Variants in MGAT3 observed in about 807,000 individuals in gnomAD.
The protein encoded by MGAT3 is beta-1,4-mannosyl-glycoprotein 4-beta-N-acetylglucosaminyltransferase, also known as GlcNAc-T III.
A neutral mutation model predicts 29.8 loss-of-function variants in MGAT3; 9 were observed. The observed-to-expected ratio is 0.30, with a 90% CI of 0.18 to 0.53. The LOEUF (loss-of-function observed/expected upper bound fraction) is 0.53, where lower values mean the gene tolerates loss of function less well. Ranked by LOEUF, MGAT3 falls within the 20% of genes least tolerant of loss-of-function variation. MGAT3 has a pLI of 0.96. For synonymous variants in MGAT3, 397 were observed against 348.9 expected, an observed-to-expected ratio of 1.14 and a Z score of -1.54; for missense variants, 557 against 769.5, an observed-to-expected ratio of 0.72 and a Z score of 3.27.
intron 1 of MGAT3, among the ~76,000 whole-genome samples, chr22:39,463,636 C>G (rs1928556829): frequency 6.6e-6 from 1 of 152,212 alleles, no homozygotes; most frequent in South Asian, 2.1e-4. Flanking sequence ...TTAAAAAATA[C>G]TGACTTGGAC....
At chr22:39,460,388 C>G (rs1461398975) in intron 1 of MGAT3, among the ~76,000 whole-genome samples, 1 of 152,196 alleles carries the variant, frequency 6.6e-6, no homozygotes, top group Non-Finnish European at 1.5e-5. Flanking sequence ...GAAAGAGTCA[C>G]TAAAAGTAGG....
In MGAT3 at chr22:39,457,811, G is replaced by A. The variant is rs2145705059; in HGVS notation, c.-2+254G>A. 6.6e-6 allele frequency among the ~76,000 whole-genome samples: 1 copy of A among 151,334 alleles called. No individual in the cohort carries two copies. ...CTCCGAGCTCCCCGGTCCCCGGAGG[G>A]CAGAGCCTCAGCGCCCGACCCCCTC... On this transcript the variant is annotated intron_variant, in intron 1 of 1. Transcript: ENST00000341184. The surrounding 1 kb of genome is among the most constrained non-coding windows in gnomAD (Gnocchi z 6.8).
At chr22:39,468,255 C>T (rs1428116502) in intron 1 of MGAT3, among the ~76,000 whole-genome samples, 1 of 152,196 alleles carries the variant, frequency 6.6e-6, no homozygotes, top group Non-Finnish European at 1.5e-5. Context: ...TGCCCAGGAG[C>T]TGCAGGCTGC....
Position 39,487,547 on chromosome 22 carries a change from C to T in MGAT3, c.200C>T (p.Pro67Leu). 3 of 1,613,006 alleles carry T rather than the reference C, an allele frequency of 1.9e-6. No homozygotes were observed. The highest frequency in any genetic ancestry group is 1.7e-5 in the Admixed American group (1 of 60,028). ...TPQASPEPGG[P>L]DLLRTPLYSH... ...CAGGCCAGCCCCGAGCCAGGAGGCC[C>T]TGACCTGCTGCGTACCCCACTCTAC... Residue 67 changes from proline (P) to leucine (L), a missense_variant, in exon 2 of 2, where the codon CCT (proline) becomes CTT (leucine). Coordinates refer to ENST00000341184, the MANE Select transcript of MGAT3 (RefSeq NM_002409.5). The surrounding 1 kb of genome is among the most constrained non-coding windows in gnomAD (Gnocchi z 5.7).
intron 1 of MGAT3, among the ~76,000 whole-genome samples, chr22:39,458,681 A>C (rs895648922): frequency 6.6e-6 from 1 of 152,204 alleles, no homozygotes; most frequent in Admixed American, 6.5e-5. Context: ...GGTTACTGGA[A>C]GAGATGACGA....
At chr22:39,467,303 G>T (rs1928675914) in intron 1 of MGAT3, among the ~76,000 whole-genome samples, 1 of 152,208 alleles carries the variant, frequency 6.6e-6, no homozygotes, top group Non-Finnish European at 1.5e-5. Context: ...AAGGGCAGGG[G>T]GTTGGGGCAG....
intron 1 of MGAT3, among the ~76,000 whole-genome samples, chr22:39,478,465 A>G (rs1347693553): frequency 1.3e-5 from 2 of 152,232 alleles, no homozygotes; most frequent in Non-Finnish European, 2.9e-5. Context: ...AGAAGGGGCC[A>G]GAGGGTGGTG....
intron 1 of MGAT3, chr22:39,477,597 C>T (rs1929003251): frequency 6.6e-6 from 1 of 151,876 alleles, no homozygotes; most frequent in Non-Finnish European, 1.5e-5. Flanking sequence ...TGCCAATGGC[C>T]AGGCTCCATG....
chr22:39,462,275 C>G (rs1475798483), intron 1 of MGAT3, among the ~76,000 whole-genome samples: 1 of 152,256 alleles, frequency 6.6e-6, no homozygotes, highest in African/African-American at 2.4e-5. Context: ...GGTGTTCTTG[C>G]TGTCAGCTCC....
rs1389947634 is a variant in MGAT3 at position 39,491,462 on chromosome 22, G to C, written c.*2513G>C. 1 of 167,234 alleles carries C rather than the reference G, an allele frequency of 6.0e-6. No individual in the cohort carries two copies. The highest frequency in any genetic ancestry group is 1.5e-5 in the Non-Finnish European group (1 of 68,300). The allele number at this position is 167,234 out of a possible 1,614,324, so 10.4% of individuals were successfully genotyped here. A position where few individuals can be genotyped will look rare whatever the true frequency, so the allele number is the denominator to read the frequency against. Reference sequence around the variant, plus strand: ...TGGCCTGGGGCCTCCCTCCTTGGCAGCTTTCCCACCCCCACGCCCCTGGCA... The same window carrying C: ...TGGCCTGGGGCCTCCCTCCTTGGCACCTTTCCCACCCCCACGCCCCTGGCA... On this transcript the variant is annotated 3_prime_UTR_variant, in exon 2 of 2. Coordinates refer to ENST00000341184, the MANE Select transcript of MGAT3 (RefSeq NM_002409.5). This position sits in a 1 kb window ranked among gnomAD's most constrained non-coding sequence, Gnocchi z 5.5.
intron 1 of MGAT3, among the ~76,000 whole-genome samples, chr22:39,458,569 C>T (rs1258136786): frequency 1.3e-5 from 2 of 152,132 alleles, no homozygotes; most frequent in African/African-American, 4.8e-5. Flanking sequence ...CCCCCAGGAG[C>T]TGCAGCTCTG....
chr22:39,461,290 G>A (rs1348675368), intron 1 of MGAT3, among the ~76,000 whole-genome samples: 1 of 152,114 alleles, frequency 6.6e-6, no homozygotes, highest in East Asian at 1.9e-4. Context: ...TGGGAGCTGC[G>A]GGCGATACTG....
intron 1 of MGAT3, chr22:39,476,826 G>A (rs1184885804): frequency 6.6e-6 from 1 of 152,272 alleles, no homozygotes; most frequent in African/African-American, 2.4e-5. Flanking sequence ...CAGTAGCTGG[G>A]ATGATACGTC....
In MGAT3 at chr22:39,457,335, G is replaced by A. The variant is rs1301509732; in HGVS notation, c.-224G>A. The A allele has an allele frequency of 7.4e-6, 1 of 135,512 alleles. No homozygotes were observed. Among genetic ancestry groups the A allele is most frequent in the African/African-American group, 2.6e-5 (1 of 38,384 alleles). The allele number at this position is 135,512 out of a possible 1,614,324, so 8.4% of individuals were successfully genotyped here. A position where few individuals can be genotyped will look rare whatever the true frequency, so the allele number is the denominator to read the frequency against. On this transcript the variant is annotated 5_prime_UTR_variant, in exon 1 of 2. Transcript: ENST00000341184. This position sits in a 1 kb window ranked among gnomAD's most constrained non-coding sequence, Gnocchi z 6.8. ...GGGTGCAGCCGAGCGGCCGCGCCGG[G>A]TCCCCGGGACGGGGTGGAAGTGGGG...
chr22:39,487,686 C>G lies in MGAT3; in HGVS notation c.339C>G (p.Ala113=), dbSNP rs776246246. 2 of 1,595,496 alleles carry G rather than the reference C, an allele frequency of 1.3e-6. No individual in the cohort carries two copies. The part of the protein sequence containing the change: ...DTTEYFVRTK[A]GGVCFKPGTK... ...CCGAGTATTTCGTGCGCACCAAGGC[C>G]GGCGGCGTCTGCTTCAAACCCGGCA... is the stretch of plus-strand genomic sequence containing the variant. Residue 113 remains alanine (A), a synonymous_variant, in exon 2 of 2, where the codon GCC becomes GCG. Transcript: ENST00000341184. This position sits in a 1 kb window ranked among gnomAD's most constrained non-coding sequence, Gnocchi z 5.7.
intron 1 of MGAT3, among the ~76,000 whole-genome samples, chr22:39,482,104 G>A (rs1318332254): frequency 6.6e-6 from 1 of 151,402 alleles, no homozygotes; most frequent in African/African-American, 2.4e-5. Flanking sequence ...CAGGCACATA[G>A]TAGTTCTGCA....
chr22:39,458,739 T>C (rs2049655014), intron 1 of MGAT3, among the ~76,000 whole-genome samples: 1 of 151,946 alleles, frequency 6.6e-6, no homozygotes, highest in Admixed American at 6.6e-5. Context: ...GGAAGGGCGT[T>C]GTGGGCCAAG....
At position 39,489,058 on chromosome 22, in the gene MGAT3, GT is replaced by G; in HGVS notation, c.*110del. ...TGGTTCTTGAGGGGACCAGGAGTGG[GT>G]GGGGAGTGGGGGTGGGGGTAGGGTT... On this transcript the variant is annotated 3_prime_UTR_variant, in exon 2 of 2. Transcript: ENST00000341184. 4.9e-6 allele frequency: 6 copies of G among 1,222,290 alleles called. No individual in the cohort carries two copies. The highest frequency in any genetic ancestry group is 5.6e-6 in the Non-Finnish European group (5 of 896,890). 75.7% of individuals were successfully genotyped at this position (1,222,290 alleles called of 1,614,324 possible). A position where few individuals can be genotyped will look rare whatever the true frequency, so the allele number is the denominator to read the frequency against.
At chr22:39,462,468 C>T (rs570617364) in intron 1 of MGAT3, among the ~76,000 whole-genome samples, 3 of 152,364 alleles carry the variant, frequency 2.0e-5, no homozygotes, top group Non-Finnish European at 2.9e-5. Flanking sequence ...GCCTTGCTGT[C>T]CTGCTTATTA....
Sources: allele counts gnomAD v4.1 joint callset (sites outside exome capture counted in the v4.1 genomes callset), GRCh38; gene constraint gnomAD v4.1.1; non-coding constraint Gnocchi (gnomAD v3.1); transcripts MANE v1.5; gene names NCBI Gene and HGNC (gene_info 2026-07-23, HGNC 2026-07-21).